Variants in KSR2 observed in about 807,000 individuals in gnomAD.
KSR2 encodes kinase suppressor of ras 2.
Under a neutral mutation model 107.8 loss-of-function variants are expected in KSR2, and 25 were observed. That is an observed-to-expected ratio of 0.23 (90% CI 0.17 to 0.32). The LOEUF is 0.32. Among genes scored for constraint, KSR2 ranks in the 10% least tolerant of loss-of-function variants. The pLI, the probability that KSR2 is intolerant of heterozygous loss-of-function variation, is 1.00. For synonymous variants in KSR2, 480 were observed against 507.0 expected, an observed-to-expected ratio of 0.95 and a Z score of 0.71; for missense variants, 887 against 1,268.9, an observed-to-expected ratio of 0.70 and a Z score of 4.57.
At chr12:117,784,074 G>A (rs1889976885) in intron 3 of KSR2, among the ~76,000 whole-genome samples, 1 of 152,042 alleles carries the variant, frequency 6.6e-6, no homozygotes, top group South Asian at 2.1e-4. Context: ...CGGATTCATG[G>A]GTACATGTGC....
At chr12:117,748,065 C>T (rs525865) in intron 4 of KSR2, among the ~76,000 whole-genome samples, 136,359 of 152,264 alleles carry the variant, frequency 0.9, 61,356 homozygotes, top group African/African-American at 0.97. Context: ...AGTCCATCAG[C>T]GGATGAATGG....
chr12:117,599,987 C>A (rs1880846822), intron 5 of KSR2, among the ~76,000 whole-genome samples: 1 of 152,166 alleles, frequency 6.6e-6, no homozygotes, highest in African/African-American at 2.4e-5. Context: ...GTAGCCCTCC[C>A]AGGTCGGTCA....
At chr12:117,490,347 G>T (rs1053646256) in intron 14 of KSR2, among the ~76,000 whole-genome samples, 1 of 152,172 alleles carries the variant, frequency 6.6e-6, no homozygotes, top group African/African-American at 2.4e-5. Context: ...TGTAAAATGG[G>T]CACAGCAGAA....
chr12:117,467,038 G>A lies in KSR2; in HGVS notation c.*161C>T. On this transcript the variant is annotated 3_prime_UTR_variant, in exon 20 of 20. Transcript: ENST00000339824. ...CCGAGGAAAAGGGCTCAAGTCTGAG[G>A]TGCAGGGAGGCCGCCGAGCAGTTGT... 2.0e-6 allele frequency: 1 copy of A among 493,032 alleles called. No individual in the cohort carries two copies. Among genetic ancestry groups the A allele is most frequent in the Non-Finnish European group, 3.6e-6 (1 of 277,392 alleles). 30.5% of individuals were successfully genotyped at this position (493,032 alleles called of 1,614,324 possible). A position where few individuals can be genotyped will look rare whatever the true frequency, so the allele number is the denominator to read the frequency against.
chr12:117,933,647 C>A (rs1895756594), intron 1 of KSR2, among the ~76,000 whole-genome samples: 1 of 152,046 alleles, frequency 6.6e-6, no homozygotes. Flanking sequence ...AAAAGAGCAT[C>A]CTATATTTTA....
intron 7 of KSR2, among the ~76,000 whole-genome samples, chr12:117,573,932 A>C (rs896721037): frequency 2.6e-5 from 4 of 152,226 alleles, no homozygotes; most frequent in Non-Finnish European, 5.9e-5. Flanking sequence ...AGTGAAGCTA[A>C]AGCGTGTAAG....
intron 6 of KSR2, 142 bp from the exon 7 acceptor site, chr12:117,579,344 T>G: frequency 1.5e-6 from 1 of 678,900 alleles, no homozygotes; most frequent in Non-Finnish European, 2.7e-6. Flanking sequence ...TTAATCAAGT[T>G]GCTTAAACCA....
At chr12:117,642,957 C>T (rs993928499) in intron 5 of KSR2, among the ~76,000 whole-genome samples, 12 of 152,154 alleles carry the variant, frequency 7.9e-5, no homozygotes, top group Non-Finnish European at 2.9e-5. Context: ...CCACTTTTAT[C>T]TGCTCATTCA....
At chr12:117,566,856 G>A (rs1878525246) in intron 7 of KSR2, among the ~76,000 whole-genome samples, 1 of 152,198 alleles carries the variant, frequency 6.6e-6, no homozygotes. Flanking sequence ...CTTCAAGCAT[G>A]AACATCTCTC....
At chr12:117,826,838 A>T (rs1027216389) in intron 3 of KSR2, among the ~76,000 whole-genome samples, 1 of 152,072 alleles carries the variant, frequency 6.6e-6, no homozygotes, top group African/African-American at 2.4e-5. Context: ...TAATCCCAGC[A>T]ATTTGGGAGG....
chr12:117,641,336 C>T lies in KSR2; in HGVS notation c.1171+26138G>A, dbSNP rs189370959. Among the ~76,000 whole-genome samples, 118 of 152,198 alleles carry T rather than the reference C, an allele frequency of 7.8e-4. No homozygotes were observed. In the East Asian group the frequency reaches 0.016, roughly 21 times the overall value. Reference sequence around the variant, plus strand: ...GGTCTCGAATTCCTGACCTCAGAGCCGACCCACCTGCCTCTGCCTCCCAAG... The same window carrying T: ...GGTCTCGAATTCCTGACCTCAGAGCTGACCCACCTGCCTCTGCCTCCCAAG... On this transcript the variant is annotated intron_variant, in intron 5 of 19. Coordinates refer to ENST00000339824, the MANE Select transcript of KSR2 (RefSeq NM_173598.6).
intron 1 of KSR2, among the ~76,000 whole-genome samples, chr12:117,878,941 T>C (rs1329275016): frequency 1.3e-5 from 2 of 152,056 alleles, no homozygotes; most frequent in Non-Finnish European, 1.5e-5. Context: ...ACAAAGGCCA[T>C]AGACGCATAG....
intron 1 of KSR2, among the ~76,000 whole-genome samples, chr12:117,886,524 C>A (rs1593340359): frequency 6.6e-6 from 1 of 152,104 alleles, no homozygotes; most frequent in African/African-American, 2.4e-5. Flanking sequence ...AGGTTTGTGG[C>A]TGGGAGCAAT....
chr12:117,942,917 T>A (rs770708151), intron 1 of KSR2, among the ~76,000 whole-genome samples: 1 of 152,190 alleles, frequency 6.6e-6, no homozygotes, highest in Non-Finnish European at 1.5e-5. Flanking sequence ...CTAAAGGGTG[T>A]CGTTCAACTC....
Position 117,558,535 on chromosome 12 carries a change from G to A in KSR2, c.1364C>T (p.Pro455Leu). ...CHNKCTKEAP[P>L]CHLLIIHRGD... ...TCGGTGGATGATCAGAAGATGACAG[G>A]GTGGGGCTTCTTTGGTGCATTTGTT... Residue 455 changes from proline to leucine, a missense_variant, in exon 8 of 20, where the codon CCC (proline) becomes CTC (leucine). Transcript: ENST00000339824. 6.2e-7 allele frequency: 1 copy of A among 1,613,900 alleles called. No individual in the cohort carries two copies. The highest frequency in any genetic ancestry group is 1.1e-5 in the South Asian group (1 of 91,084).
chr12:117,759,862 C>T (rs981795753), intron 4 of KSR2, among the ~76,000 whole-genome samples: 3 of 152,232 alleles, frequency 2.0e-5, no homozygotes, highest in Non-Finnish European at 2.9e-5. Flanking sequence ...AATCCCAGCA[C>T]TTTGGGAGGC....
chr12:117,946,567 A>G (rs897695687), intron 1 of KSR2, among the ~76,000 whole-genome samples: 2 of 152,206 alleles, frequency 1.3e-5, no homozygotes, highest in Admixed American at 1.3e-4. Flanking sequence ...TAAAAACATT[A>G]AAGAAATTGA....
chr12:117,689,894 G>A (rs1885744558), intron 4 of KSR2, among the ~76,000 whole-genome samples: 1 of 152,160 alleles, frequency 6.6e-6, no homozygotes, highest in Admixed American at 6.5e-5. Flanking sequence ...ATTTGACTAT[G>A]TGTGAGAATC....
At chr12:117,801,283 ATTT>A (rs35746430) in intron 3 of KSR2, among the ~76,000 whole-genome samples, 2 of 136,012 alleles carry the variant, frequency 1.5e-5, no homozygotes, top group African/African-American at 2.8e-5. Flanking sequence ...TGCCCGGCTA[ATTT>A]TTTTTTTTTT....
Sources: allele counts gnomAD v4.1 joint callset (sites outside exome capture counted in the v4.1 genomes callset), GRCh38; gene constraint gnomAD v4.1.1; transcripts MANE v1.5; gene names NCBI Gene and HGNC (gene_info 2026-07-23, HGNC 2026-07-21).